NRXN3: variants seen among roughly 807,000 people sequenced by gnomAD.
NRXN3 encodes the protein neurexin 3, also known as neurexin III.
A neutral mutation model predicts 137.6 loss-of-function variants in NRXN3; 32 were observed. The ratio of observed to expected loss-of-function variants is 0.23; its 90% CI spans 0.18 to 0.31. The LOEUF (loss-of-function observed/expected upper bound fraction) is 0.31, where lower values mean the gene tolerates loss of function less well. NRXN3 is among the 10% of genes least tolerant of loss of function. The pLI is 1.00. For missense variants in NRXN3, 1,574 were observed against 2,062.5 expected, an observed-to-expected ratio of 0.76 and a Z score of 4.59; for synonymous variants, 798 against 784.5, an observed-to-expected ratio of 1.02 and a Z score of -0.29.
chr14:78,406,799 G>A (rs1175331816), intron 4 of NRXN3, among the ~76,000 whole-genome samples: 3 of 152,186 alleles, frequency 2.0e-5, no homozygotes, highest in African/African-American at 7.2e-5. Context: ...TTGGAGGTGG[G>A]GGTGAGAGGG....
At chr14:79,429,757 A>G (rs950982563) in intron 15 of NRXN3, among the ~76,000 whole-genome samples, 12 of 152,146 alleles carry the variant, frequency 7.9e-5, no homozygotes, top group African/African-American at 2.9e-4. Context: ...AACAACCAGA[A>G]AACACTTTCC....
chr14:79,829,199 T>G (rs1300846336), intron 20 of NRXN3, among the ~76,000 whole-genome samples: 1 of 152,172 alleles, frequency 6.6e-6, no homozygotes, highest in African/African-American at 2.4e-5. Context: ...AAAAGAAAAA[T>G]GCTTTGTACT....
chr14:78,426,641 A>G (rs959015476), intron 4 of NRXN3, among the ~76,000 whole-genome samples: 21 of 152,140 alleles, frequency 1.4e-4, no homozygotes, highest in African/African-American at 5.1e-4. Flanking sequence ...AGGTAAGCAT[A>G]GTGAACTCCA....
intron 15 of NRXN3, among the ~76,000 whole-genome samples, chr14:79,261,752 A>G (rs1487607401): frequency 2.0e-5 from 3 of 152,012 alleles, no homozygotes; most frequent in Admixed American, 1.3e-4. Context: ...TGCACATATT[A>G]TCTTGGCCTC....
intron 15 of NRXN3, among the ~76,000 whole-genome samples, chr14:79,310,276 T>A (rs2086986254): frequency 8.6e-6 from 1 of 115,696 alleles, no homozygotes; most frequent in Non-Finnish European, 1.6e-5. Context: ...GGCTCTGTTC[T>A]GTTCCATTGA....
intron 1 of NRXN3, among the ~76,000 whole-genome samples, chr14:78,224,706 T>C (rs2064284362): frequency 6.6e-6 from 1 of 151,466 alleles, no homozygotes; most frequent in Non-Finnish European, 1.5e-5. Context: ...TCCAAGTCTT[T>C]GCTATTGTGA....
At chr14:79,343,925 C>A (rs2092739615) in intron 15 of NRXN3, among the ~76,000 whole-genome samples, 1 of 152,044 alleles carries the variant, frequency 6.6e-6, no homozygotes, top group Non-Finnish European at 1.5e-5. Context: ...AGGTGTGAGC[C>A]ACCATGCCCT....
At chr14:79,626,536 C>A (rs1053593869) in intron 16 of NRXN3, among the ~76,000 whole-genome samples, 6 of 152,182 alleles carry the variant, frequency 3.9e-5, no homozygotes, top group Middle Eastern at 3.4e-3. Flanking sequence ...CTCCATGAAC[C>A]CACATTTTCT....
chr14:78,384,846 G>T (rs376600259), intron 4 of NRXN3, among the ~76,000 whole-genome samples: 3 of 152,132 alleles, frequency 2.0e-5, no homozygotes, highest in African/African-American at 7.2e-5. Context: ...GATTTAGAAT[G>T]CTGCTCGTTT....
At chr14:79,080,806 GT>G (rs2046841072) in intron 15 of NRXN3, among the ~76,000 whole-genome samples, 1 of 152,086 alleles carries the variant, frequency 6.6e-6, no homozygotes, top group African/African-American at 2.4e-5. Context: ...CATGGTCTTT[GT>G]TTTGCCTCTT....
chr14:78,810,377 T>C, intron 10 of NRXN3, 33 bp downstream of exon 10: 1 of 745,700 alleles, frequency 1.3e-6, no homozygotes, highest in Non-Finnish European at 2.0e-6. Flanking sequence ...TTTTGTTCTT[T>C]AAAAAAAAAA....
chr14:79,761,837 C>T (rs1156821674), intron 19 of NRXN3, among the ~76,000 whole-genome samples: 1 of 151,502 alleles, frequency 6.6e-6, no homozygotes, highest in Non-Finnish European at 1.5e-5. Context: ...TTTAGCTTTT[C>T]ATGTGTTCTG....
chr14:79,067,557 T>C (rs2099682329), intron 15 of NRXN3, among the ~76,000 whole-genome samples: 2 of 152,106 alleles, frequency 1.3e-5, no homozygotes, highest in Admixed American at 1.3e-4. Flanking sequence ...CTCTTCTTTC[T>C]ACCTCTGGTA....
chr14:78,307,943 C>A (rs1343471167), intron 4 of NRXN3, among the ~76,000 whole-genome samples: 1 of 152,148 alleles, frequency 6.6e-6, no homozygotes, highest in South Asian at 2.1e-4. Flanking sequence ...TAAAGAGATA[C>A]TGCTCTTTTT....
intron 14 of NRXN3, among the ~76,000 whole-genome samples, chr14:78,972,698 CCT>C (rs1272012824): frequency 1.3e-5 from 2 of 152,172 alleles, no homozygotes; most frequent in East Asian, 3.9e-4. Flanking sequence ...TGCGCGTCCC[CCT>C]CTGCCCTACT....
At chr14:79,823,920 A>G (rs539410591) in intron 20 of NRXN3, 240 of 450,226 alleles carry the variant, frequency 5.3e-4, no homozygotes, top group South Asian at 3.5e-3. Context: ...GTCCATGGAT[A>G]CACCAGGTGG....
chr14:78,341,308 T>G (rs2082124047), intron 4 of NRXN3, among the ~76,000 whole-genome samples: 1 of 152,146 alleles, frequency 6.6e-6, no homozygotes, highest in South Asian at 2.1e-4. Flanking sequence ...GGTTTAGAAG[T>G]TTGGGGTAGG....
At chr14:79,172,177 C>G (rs1485770987) in intron 15 of NRXN3, among the ~76,000 whole-genome samples, 2 of 128,916 alleles carry the variant, frequency 1.6e-5, no homozygotes, top group Non-Finnish European at 3.5e-5. Flanking sequence ...TATAAAGAAA[C>G]AATAACTTGC....
At chr14:79,240,043 A>G (rs2153339098) in intron 15 of NRXN3, among the ~76,000 whole-genome samples, 1 of 152,260 alleles carries the variant, frequency 6.6e-6, no homozygotes, top group South Asian at 2.1e-4. Context: ...CAAATGGTAA[A>G]AAATTTTAGT....
Sources: gnomAD v4.1 joint callset for allele counts (sites outside exome capture counted in the v4.1 genomes callset) on GRCh38, gnomAD v4.1.1 for gene constraint, MANE v1.5 for transcripts, NCBI Gene and HGNC (gene_info 2026-07-23, HGNC 2026-07-21) for gene names.